Variants in PPP4R1 observed in about 807,000 individuals in gnomAD.
The protein encoded by PPP4R1 is serine/threonine-protein phosphatase 4 regulatory subunit 1.
In PPP4R1, 42 loss-of-function variants were observed where a neutral mutation model predicts 111.2. The observed-to-expected ratio is 0.38, with a 90% CI of 0.29 to 0.49. PPP4R1 has a LOEUF of 0.49. Ranked by LOEUF, PPP4R1 falls within the 20% of genes least tolerant of loss-of-function variation. PPP4R1 has a pLI of 0.97. For missense variants in PPP4R1, 1,012 were observed against 1,161.6 expected (o/e 0.87, Z 1.87); for synonymous variants, 409 against 405.5 (o/e 1.01, Z -0.10).
At chr18:9,615,025 G>C (rs755577988), upstream of PPP4R1, 3 of 152,070 alleles carry the variant, frequency 2.0e-5, no homozygotes, top group Non-Finnish European at 4.4e-5. Context: ...GTACGTCGTC[G>C]GCGATCCGGG....
intron 2 of PPP4R1, among the ~76,000 whole-genome samples, chr18:9,598,125 C>G (rs1224997681): frequency 1.3e-5 from 2 of 151,790 alleles, no homozygotes; most frequent in Non-Finnish European, 2.9e-5. Context: ...AGAAAAATAT[C>G]CTAAATGAAA....
intron 13 of PPP4R1, among the ~76,000 whole-genome samples, chr18:9,561,161 G>T (rs1253809559): frequency 2.0e-5 from 3 of 151,112 alleles, no homozygotes; most frequent in African/African-American, 7.3e-5. Flanking sequence ...GGAGGCTGCA[G>T]TAAGCTGAGA....
Position 9,559,621 on chromosome 18 carries a change from A to C in PPP4R1, c.1843-17T>G. ...TACAACATCCTAATGGAGAAAGAGA[A>C]ACCACAGTGACTGAGCAGCTGAGAT... On this transcript the variant is annotated splice_polypyrimidine_tract_variant and intron_variant, in intron 13 of 19. Transcript: ENST00000400556. The C allele has an allele frequency of 1.9e-6, 3 of 1,546,976 alleles. No homozygotes were observed. Among genetic ancestry groups the C allele is most frequent in the Non-Finnish European group, 2.6e-6 (3 of 1,138,644 alleles).
intron 2 of PPP4R1, among the ~76,000 whole-genome samples, chr18:9,606,660 T>C (rs1191601163): frequency 6.6e-6 from 1 of 152,006 alleles, no homozygotes; most frequent in Non-Finnish European, 1.5e-5. Context: ...AAGTATACTA[T>C]ATGTATATTC....
chr18:9,548,028 A>G, intron 19 of PPP4R1, 76 bp from the exon 20 acceptor site: 8 of 1,417,030 alleles, frequency 5.6e-6, no homozygotes, highest in Non-Finnish European at 6.8e-6. Context: ...GTACGAGTGT[A>G]AACAGTTAAA....
At chr18:9,555,832 C>G (rs1318086210) in intron 15 of PPP4R1, among the ~76,000 whole-genome samples, 1 of 152,078 alleles carries the variant, frequency 6.6e-6, no homozygotes, top group Non-Finnish European at 1.5e-5. Context: ...AAGGACAATA[C>G]TGGGACAATC....
chr18:9,554,806 A>G (rs1194528150), intron 15 of PPP4R1, among the ~76,000 whole-genome samples: 1 of 152,196 alleles, frequency 6.6e-6, no homozygotes, highest in East Asian at 1.9e-4. Context: ...TTAAAAATCA[A>G]AGGACAAATC....
chr18:9,589,570 A>G (rs1191904195), intron 4 of PPP4R1, among the ~76,000 whole-genome samples: 1 of 152,096 alleles, frequency 6.6e-6, no homozygotes, highest in Non-Finnish European at 1.5e-5. Context: ...TGGGAAGACA[A>G]AATCCAAAAA....
chr18:9,598,999 C>A (rs1170691942), intron 2 of PPP4R1, among the ~76,000 whole-genome samples: 1 of 151,088 alleles, frequency 6.6e-6, no homozygotes, highest in African/African-American at 2.4e-5. Flanking sequence ...GCACCCCAGT[C>A]TGGAAGACAA....
rs375227576 is a variant in PPP4R1, at chr18:9,550,444, A to G, written c.2292-46T>C. 1.9e-4 allele frequency: 294 copies of G among 1,539,802 alleles called. 1 individual carries two copies. The highest frequency in any genetic ancestry group is 2.4e-4 in the Non-Finnish European group (269 of 1,129,676). ...AAGACAATGTTTAAAAATCAGCGAG[A>G]CAAATGAAAATAGGTTACCCATTTA... On this transcript the variant is annotated intron_variant, in intron 16 of 19. Coordinates refer to ENST00000400556, the MANE Select transcript of PPP4R1 (RefSeq NM_001042388.3).
At chr18:9,604,473 A>G (rs1175783936) in intron 2 of PPP4R1, among the ~76,000 whole-genome samples, 1 of 152,034 alleles carries the variant, frequency 6.6e-6, no homozygotes, top group East Asian at 1.9e-4. Context: ...GCCCCAACCT[A>G]GTTTCCTCCT....
Position 9,588,859 on chromosome 18 carries a change from G to A in PPP4R1, c.296-6C>T. ...CTCCGCTCTCACAGTTGGTTCTATT[G>A]AAATAACGGCAATGTGAGCAAACAT... On this transcript the variant is annotated splice_region_variant and splice_polypyrimidine_tract_variant and intron_variant, in intron 4 of 19. Coordinates refer to ENST00000400556, the MANE Select transcript of PPP4R1 (RefSeq NM_001042388.3). The A allele has an allele frequency of 6.2e-7, 1 of 1,611,250 alleles. No homozygotes were observed. Among genetic ancestry groups the A allele is most frequent in the African/African-American group, 1.3e-5 (1 of 74,832 alleles).
At chr18:9,610,503 G>A (rs1217113501) in intron 2 of PPP4R1, among the ~76,000 whole-genome samples, 2 of 151,406 alleles carry the variant, frequency 1.3e-5, no homozygotes, top group Admixed American at 6.6e-5. Flanking sequence ...TTGCTCTGTC[G>A]CCAGGCTGGA....
intron 14 of PPP4R1, 94 bp downstream of exon 14, chr18:9,559,325 C>G (rs1032588525): frequency 8.1e-7 from 1 of 1,236,144 alleles, no homozygotes. Context: ...TAAGAACATG[C>G]TAGAACATGA....
intron 2 of PPP4R1, among the ~76,000 whole-genome samples, chr18:9,599,071 A>C (rs1332189325): frequency 6.6e-6 from 1 of 152,140 alleles, no homozygotes; most frequent in African/African-American, 2.4e-5. Context: ...TGGGATAAAT[A>C]AAAAATTTCT....
chr18:9,570,499 A>G lies in PPP4R1; in HGVS notation c.1231T>C (p.Ser411Pro). Residue 411 changes from serine to proline, a missense_variant, in exon 11 of 20, where the codon TCC becomes CCC. By Grantham distance (74) the Ser-to-Pro change is moderately conservative. Coordinates refer to ENST00000400556, the MANE Select transcript of PPP4R1 (RefSeq NM_001042388.3). ...PLDSSLLCTL[S>P]SESHQEAASN... The stretch of plus-strand genomic sequence containing the variant: ...GCTGCTTCCTGGTGAGATTCTGAGG[A>G]CAAAGTACAAAGTAAAGAGCTGTCC... 1 of 1,614,216 alleles carries G rather than the reference A, an allele frequency of 6.2e-7. No individual in the cohort carries two copies. Among genetic ancestry groups the G allele is most frequent in the East Asian group, 2.2e-5 (1 of 44,884 alleles).
rs982418107 is a variant in PPP4R1, at chr18:9,562,572, T to C, written c.1747-497A>G. 4.6e-5 allele frequency among the ~76,000 whole-genome samples: 7 copies of C among 152,156 alleles called. No individual in the cohort carries two copies. The East Asian group carries it at 9.6e-4, about 21-fold the overall frequency. Reference sequence around the variant, plus strand: ...TAATACTATTCAAATCTCCAATAAATAGTCAGGGCTTCAATCCAAAGCAGT... The same window carrying C: ...TAATACTATTCAAATCTCCAATAAACAGTCAGGGCTTCAATCCAAAGCAGT... On this transcript the variant is annotated intron_variant, in intron 12 of 19. Transcript: ENST00000400556.
At chr18:9,603,439 C>T (rs1457598311) in intron 2 of PPP4R1, among the ~76,000 whole-genome samples, 3 of 151,892 alleles carry the variant, frequency 2.0e-5, no homozygotes, top group Admixed American at 1.3e-4. Context: ...GGTTGATCAA[C>T]CAAGTATTAA....
chr18:9,582,168 G>C (rs2067040290), intron 9 of PPP4R1, among the ~76,000 whole-genome samples: 1 of 151,688 alleles, frequency 6.6e-6, no homozygotes, highest in African/African-American at 2.4e-5. Flanking sequence ...TAAACTAAAA[G>C]CAAGCAGAAG....
Sources: gnomAD v4.1 joint callset for allele counts (sites outside exome capture counted in the v4.1 genomes callset) on GRCh38, gnomAD v4.1.1 for gene constraint, MANE v1.5 for transcripts, NCBI Gene and HGNC (gene_info 2026-07-23, HGNC 2026-07-21) for gene names.